Variants in MPDZ observed in about 807,000 individuals in gnomAD.
MPDZ encodes the protein multiple PDZ domain crumbs cell polarity complex component.
In MPDZ, 234 loss-of-function variants were observed where a neutral mutation model predicts 239.1. The observed-to-expected ratio is 0.98, with a 90% CI of 0.88 to 1.09. The LOEUF is 1.09. Among genes scored for constraint, MPDZ ranks in the 50% least tolerant of loss-of-function variants. MPDZ has a pLI of 0.00. For missense variants in MPDZ, 3,175 were observed against 2,510.0 expected (o/e 1.26, Z -5.66); for synonymous variants, 1,048 against 881.3 (o/e 1.19, Z -3.35).
intron 3 of MPDZ, among the ~76,000 whole-genome samples, chr9:13,244,885 T>G (rs1230888014): frequency 6.6e-6 from 1 of 152,154 alleles, no homozygotes; most frequent in Non-Finnish European, 1.5e-5. Context: ...CTCAAGCTTT[T>G]CAATTATTCA....
At chr9:13,141,598 GA>G (rs1208620447) in intron 27 of MPDZ, among the ~76,000 whole-genome samples, 5 of 152,104 alleles carry the variant, frequency 3.3e-5, no homozygotes, top group South Asian at 2.1e-4. Flanking sequence ...AAAATATTAT[GA>G]TTTTTTTTAA....
intron 6 of MPDZ, 24 bp downstream of exon 6, chr9:13,222,209 C>G: frequency 6.3e-7 from 1 of 1,589,652 alleles, no homozygotes. Flanking sequence ...CGTTCTGTTC[C>G]TTTTGAAAAT....
At chr9:13,126,091 G>A (rs549049169) in intron 34 of MPDZ, among the ~76,000 whole-genome samples, 23 of 152,216 alleles carry the variant, frequency 1.5e-4, no homozygotes, top group African/African-American at 5.3e-4. Flanking sequence ...TTTGAGGAGA[G>A]GGAACTCAAG....
Position 13,164,160 on chromosome 9 carries a change from G to A in MPDZ, c.3255-1365C>T, listed in dbSNP as rs77925094. Among the ~76,000 whole-genome samples, 1,196 of 152,252 alleles carry A rather than the reference G, an allele frequency of 7.9e-3. 15 individuals carry two copies. The highest frequency in any genetic ancestry group is 0.013 in the Non-Finnish European group (859 of 68,012). On this transcript the variant is annotated intron_variant, in intron 22 of 46. Transcript: ENST00000319217. ...ACATGGGGCCTCTGGGAATCTCTTC[G>A]TGACACTTTTACCTCAAAGGTCAAA...
At position 13,107,060 on chromosome 9, in the gene MPDZ, C is replaced by T; in HGVS notation, c.6118G>A (p.Val2040Ile). 3 of 1,603,446 alleles carry T rather than the reference C, an allele frequency of 1.9e-6. No individual in the cohort carries two copies. The highest frequency in any genetic ancestry group is 2.6e-6 in the Non-Finnish European group (3 of 1,171,938). Residue 2040 changes from valine to isoleucine, a missense_variant, in exon 47 of 47, where the codon GTC (valine) becomes ATC (isoleucine). Coordinates refer to ENST00000319217, the MANE Select transcript of MPDZ (RefSeq NM_001378778.1). ...ACTCCTTCTAGACTCTGCCCATTGA[C>T]AGCAATGATCTGATCGCCCCTTTTC... Reference protein sequence around the residue: ...RLKRGDQIIAVNGQSLEGVTH... With the variant: ...RLKRGDQIIAINGQSLEGVTH...
Position 13,219,702 on chromosome 9 carries a change from T to G in MPDZ, c.943A>C (p.Ser315Arg). The G allele has an allele frequency of 6.2e-7, 1 of 1,612,802 alleles. No homozygotes were observed. The highest frequency in any genetic ancestry group is 8.5e-7 in the Non-Finnish European group (1 of 1,179,234). The stretch of plus-strand genomic sequence containing the variant: ...CTAAGGACTTGTGCTACTTGCTCAC[T>G]GCTCATTCCTGCTAGATCTGTGTCA... ...IGDTDLAGMSSEQVAQVLRQC... is the reference protein window; with the variant it reads ...IGDTDLAGMSREQVAQVLRQC... The change falls in exon 8 of 47, where the codon AGT becomes CGT. Residue 315 changes from serine (S) to arginine (R), a missense_variant. Coordinates refer to ENST00000319217, the MANE Select transcript of MPDZ (RefSeq NM_001378778.1).
Position 13,172,377 on chromosome 9 carries a change from TTTG to T in MPDZ, c.3055+3372_3055+3374del, listed in dbSNP as rs1464220819. ...GTGATTTCACACTTAAATGTCTTAC[TTTG>T]TTTTTTGTTTTTTTTTTTTGAGACG... On this transcript the variant is annotated intron_variant, in intron 21 of 46. Coordinates refer to ENST00000319217, the MANE Select transcript of MPDZ (RefSeq NM_001378778.1). Among the ~76,000 whole-genome samples, 4 of 16,922 alleles carry T rather than the reference TTTG, an allele frequency of 2.4e-4. No individual in the cohort carries two copies. The East Asian group carries it at 8.7e-3, about 37-fold the overall frequency. The allele number at this position is 16,922 out of a possible 152,430, so 11.1% of individuals were successfully genotyped here.
At chr9:13,165,931 C>A (rs553297078) in intron 22 of MPDZ, among the ~76,000 whole-genome samples, 51 of 152,088 alleles carry the variant, frequency 3.4e-4, no homozygotes, top group Non-Finnish European at 6.6e-4. Context: ...CCCATGCATG[C>A]ATGAACACAC....
At chr9:13,143,388 G>A (rs1947983996) in intron 27 of MPDZ, 78 bp downstream of exon 27, 1 of 1,117,298 alleles carries the variant, frequency 9.0e-7, no homozygotes, top group Non-Finnish European at 1.3e-6. Context: ...TAGTGAACTG[G>A]GACAAAGACA....
intron 3 of MPDZ, among the ~76,000 whole-genome samples, chr9:13,238,234 A>C (rs1272907770): frequency 6.6e-6 from 1 of 152,178 alleles, no homozygotes; most frequent in Non-Finnish European, 1.5e-5. Context: ...GGCATGTTCA[A>C]AATGGTGGCT....
At position 13,163,126 on chromosome 9, in the gene MPDZ, C is replaced by T. The variant is rs968207630; in HGVS notation, c.3255-331G>A. 2.0e-5 allele frequency among the ~76,000 whole-genome samples: 3 copies of T among 152,058 alleles called. No individual in the cohort carries two copies. The South Asian group carries it at 6.2e-4, about 32-fold the overall frequency. On this transcript the variant is annotated intron_variant, in intron 22 of 46. Coordinates refer to ENST00000319217, the MANE Select transcript of MPDZ (RefSeq NM_001378778.1). ...TTTTAAATTAGGAAGATCTATAAAT[C>T]CCTAGAATAATGATTGTCAGCAATA...
intron 11 of MPDZ, 41 bp downstream of exon 11, chr9:13,205,875 A>G: frequency 1.3e-6 from 2 of 1,497,102 alleles, no homozygotes; most frequent in Admixed American, 2.3e-5. Flanking sequence ...ATTGGAGACA[A>G]TATAAAGGTC....
At chr9:13,155,407 A>C (rs1949696402) in intron 24 of MPDZ, among the ~76,000 whole-genome samples, 1 of 152,144 alleles carries the variant, frequency 6.6e-6, no homozygotes, top group Non-Finnish European at 1.5e-5. Flanking sequence ...AATAGCAAAT[A>C]ACTATTAACT....
chr9:13,248,510 T>C (rs1450130041), intron 2 of MPDZ, among the ~76,000 whole-genome samples: 2 of 152,072 alleles, frequency 1.3e-5, no homozygotes, highest in Non-Finnish European at 2.9e-5. Flanking sequence ...CCACAAATAA[T>C]AGTTAAAAAC....
intron 36 of MPDZ, 125 bp from the exon 37 acceptor site, chr9:13,122,295 G>C (rs1226341474): frequency 2.3e-5 from 18 of 791,108 alleles, no homozygotes; most frequent in Non-Finnish European, 3.4e-5. Flanking sequence ...TGGCTCTACA[G>C]TACAAGCTCC....
intron 13 of MPDZ, 22 bp from the exon 14 acceptor site, chr9:13,193,335 TCAC>T (rs751599854): frequency 1.7e-5 from 26 of 1,566,698 alleles, no homozygotes; most frequent in Middle Eastern, 3.5e-4. Context: ...AAAAAAAAGA[TCAC>T]CACAATTTTT....
chr9:13,116,346 C>G (rs558418281), intron 39 of MPDZ, among the ~76,000 whole-genome samples: 1 of 152,196 alleles, frequency 6.6e-6, no homozygotes, highest in Non-Finnish European at 1.5e-5. Context: ...TAAAAATGTA[C>G]ATCATTATAG....
rs1292524913 is a variant in MPDZ at position 13,192,182 on chromosome 9, G to A, written c.1917C>T (p.Thr639=). ...AGTCCAGGCTATCCAATTCTGATTG[G>A]GTGGTGGGTGGCACAGTTCGACGAC... ...VCCRRTVPPT[T]QSELDSLDLC... The change falls in exon 15 of 47, where the codon ACC becomes ACT. Residue 639 remains threonine (T), a synonymous_variant. Coordinates refer to ENST00000319217, the MANE Select transcript of MPDZ (RefSeq NM_001378778.1). 2 of 1,610,736 alleles carry A rather than the reference G, an allele frequency of 1.2e-6. No individual in the cohort carries two copies. The highest frequency in any genetic ancestry group is 2.2e-5 in the East Asian group (1 of 44,672).
At chr9:13,126,894 AC>A in intron 32 of MPDZ, 122 bp from the exon 33 acceptor site, 1 of 716,786 alleles carries the variant, frequency 1.4e-6, no homozygotes, top group Non-Finnish European at 2.3e-6. Flanking sequence ...AAGACCTTAG[AC>A]TTTAAATCTA....
Sources: gnomAD v4.1 joint callset for allele counts (sites outside exome capture counted in the v4.1 genomes callset) on GRCh38, gnomAD v4.1.1 for gene constraint, MANE v1.5 for transcripts, NCBI Gene and HGNC (gene_info 2026-07-23, HGNC 2026-07-21) for gene names.